CTNND2: variants seen among roughly 807,000 people sequenced by gnomAD.
The protein encoded by CTNND2 is catenin delta 2.
In CTNND2, 22 loss-of-function variants were observed where a neutral mutation model predicts 144.4. That is an observed-to-expected ratio of 0.15 (90% CI 0.11 to 0.22). The LOEUF (loss-of-function observed/expected upper bound fraction) is 0.22, where lower values mean the gene tolerates loss of function less well. Among genes scored for constraint, CTNND2 ranks in the 10% least tolerant of loss-of-function variants. The pLI is 1.00. For missense variants in CTNND2, 1,353 were observed against 1,618.8 expected, an observed-to-expected ratio of 0.84 and a Z score of 2.82; for synonymous variants, 751 against 695.6, an observed-to-expected ratio of 1.08 and a Z score of -1.25.
chr5:11,737,692 T>C (rs1400780494), intron 1 of CTNND2, among the ~76,000 whole-genome samples: 1 of 152,114 alleles, frequency 6.6e-6, no homozygotes, highest in Non-Finnish European at 1.5e-5. Flanking sequence ...GTGACTGTAT[T>C]GGAGATGGAG....
chr5:11,181,303 T>C (rs538848668), intron 11 of CTNND2, among the ~76,000 whole-genome samples: 1 of 152,288 alleles, frequency 6.6e-6, no homozygotes, highest in Admixed American at 6.5e-5. Context: ...GTACAAATTG[T>C]AATGCAAGGG....
At chr5:11,537,246 C>T (rs550255457) in intron 3 of CTNND2, among the ~76,000 whole-genome samples, 47 of 152,234 alleles carry the variant, frequency 3.1e-4, no homozygotes, top group Middle Eastern at 3.4e-3. Flanking sequence ...TGGCTCACAG[C>T]TATAAAGCAC....
chr5:11,471,976 C>G lies in CTNND2; in HGVS notation c.288-59907G>C, dbSNP rs914721105. 2.0e-5 allele frequency among the ~76,000 whole-genome samples: 3 copies of G among 152,104 alleles called. No homozygotes were observed. The East Asian group carries it at 5.8e-4, about 29-fold the overall frequency. ...GCAAAACTTCTTGTCTTCCCTGTTA[C>G]CATATATAGAACAATTCAGCCTTTA... On this transcript the variant is annotated intron_variant, in intron 3 of 21. Transcript: ENST00000304623.
intron 7 of CTNND2, among the ~76,000 whole-genome samples, chr5:11,374,873 T>C (rs898074577): frequency 3.3e-5 from 5 of 151,212 alleles, no homozygotes; most frequent in Middle Eastern, 3.2e-3. Flanking sequence ...CCATTCTGCT[T>C]TCCAGAGTGC....
chr5:11,250,491 C>CTCTCTCTCTATATATATATATA (rs869141186), intron 9 of CTNND2, among the ~76,000 whole-genome samples: 8 of 64,104 alleles, frequency 1.2e-4, no homozygotes, highest in Non-Finnish European at 2.0e-4. Context: ...CTCTCTCTCT[C>CTCTCTCTCTATATATATATATA]TATATATATA....
intron 1 of CTNND2, among the ~76,000 whole-genome samples, chr5:11,746,782 A>G (rs963629127): frequency 3.9e-5 from 6 of 152,206 alleles, no homozygotes; most frequent in African/African-American, 1.4e-4. Flanking sequence ...TGCTTATTGA[A>G]TAAGTCAAAA....
At chr5:11,644,357 T>C (rs1782231122) in intron 2 of CTNND2, among the ~76,000 whole-genome samples, 1 of 152,192 alleles carries the variant, frequency 6.6e-6, no homozygotes, top group Admixed American at 6.5e-5. Context: ...CCAACTACTA[T>C]AAGAGTTAAG....
At chr5:11,094,059 T>C (rs1452393537) in intron 15 of CTNND2, among the ~76,000 whole-genome samples, 2 of 152,234 alleles carry the variant, frequency 1.3e-5, no homozygotes, top group East Asian at 1.9e-4. Flanking sequence ...TGTATTTTGA[T>C]AAGAAATGTT....
At chr5:11,138,604 C>T (rs1211444864) in intron 12 of CTNND2, among the ~76,000 whole-genome samples, 4 of 152,168 alleles carry the variant, frequency 2.6e-5, no homozygotes, top group African/African-American at 9.7e-5. Context: ...AGCTTGATAC[C>T]TTGTCGGGTC....
intron 1 of CTNND2, among the ~76,000 whole-genome samples, chr5:11,768,602 G>A (rs1310400069): frequency 6.6e-6 from 1 of 152,102 alleles, no homozygotes; most frequent in East Asian, 1.9e-4. Flanking sequence ...TTATTAAATA[G>A]CCAAAACATC....
intron 2 of CTNND2, among the ~76,000 whole-genome samples, chr5:11,678,842 G>A (rs1012040930): frequency 4.6e-5 from 7 of 151,958 alleles, no homozygotes; most frequent in South Asian, 2.1e-4. Context: ...GGAGTTTTTG[G>A]CTCATTGGCT....
intron 2 of CTNND2, among the ~76,000 whole-genome samples, chr5:11,718,490 C>G (rs1289239524): frequency 3.3e-5 from 5 of 152,122 alleles, no homozygotes; most frequent in African/African-American, 1.2e-4. Flanking sequence ...CCTTGATTTC[C>G]CCAAAGCCTC....
intron 1 of CTNND2, among the ~76,000 whole-genome samples, chr5:11,749,571 G>C (rs1017187232): frequency 1.3e-5 from 2 of 151,950 alleles, no homozygotes; most frequent in Non-Finnish European, 2.9e-5. Flanking sequence ...AGAAATCAAG[G>C]AAAATAATGT....
chr5:11,189,449 C>T (rs1019382744), intron 11 of CTNND2, among the ~76,000 whole-genome samples: 1 of 152,134 alleles, frequency 6.6e-6, no homozygotes, highest in African/African-American at 2.4e-5. Context: ...GCTTCCTCCT[C>T]CTCAGCCTAC....
At chr5:11,823,336 T>G (rs966627850) in intron 1 of CTNND2, among the ~76,000 whole-genome samples, 1 of 152,180 alleles carries the variant, frequency 6.6e-6, no homozygotes, top group Non-Finnish European at 1.5e-5. Flanking sequence ...TGGGTGTGCG[T>G]TGGGAGGATT....
At chr5:11,341,500 A>G (rs1358732974) in intron 9 of CTNND2, among the ~76,000 whole-genome samples, 1 of 152,156 alleles carries the variant, frequency 6.6e-6, no homozygotes, top group African/African-American at 2.4e-5. Flanking sequence ...CCCCTTGGAT[A>G]TTTCCTCAGT....
intron 3 of CTNND2, among the ~76,000 whole-genome samples, chr5:11,512,177 T>C (rs1168259162): frequency 6.6e-6 from 1 of 152,234 alleles, no homozygotes; most frequent in Non-Finnish European, 1.5e-5. Context: ...TTTGCTTTAA[T>C]GCTCTGCTGT....
intron 3 of CTNND2, among the ~76,000 whole-genome samples, chr5:11,422,654 T>C (rs1762467047): frequency 6.6e-6 from 1 of 152,186 alleles, no homozygotes. Context: ...TTAAATTCTG[T>C]TTTGTTTTAA....
At chr5:11,633,772 T>C (rs987109575) in intron 2 of CTNND2, among the ~76,000 whole-genome samples, 5 of 100,226 alleles carry the variant, frequency 5.0e-5, no homozygotes, top group African/African-American at 1.8e-4. Context: ...TGAGGCACTG[T>C]CTCAAAAAAA....
Sources: gnomAD v4.1 joint callset for allele counts (sites outside exome capture counted in the v4.1 genomes callset) on GRCh38, gnomAD v4.1.1 for gene constraint, MANE v1.5 for transcripts, NCBI Gene and HGNC (gene_info 2026-07-23, HGNC 2026-07-21) for gene names.